Variants in RAPSN observed in about 807,000 individuals in gnomAD.
RAPSN encodes receptor associated protein of the synapse, also known as 43 kDa receptor-associated protein of the synapse.
Under a neutral mutation model 45.7 loss-of-function variants are expected in RAPSN, and 33 were observed. The observed-to-expected ratio is 0.72, with a 90% CI of 0.55 to 0.97. RAPSN has a LOEUF of 0.97. Ranked by LOEUF, RAPSN falls within the 50% of genes least tolerant of loss-of-function variation. The pLI is 0.00. For missense variants in RAPSN, 519 were observed against 559.4 expected (o/e 0.93, Z 0.73); for synonymous variants, 244 against 233.6 (o/e 1.04, Z -0.40).
chr11:47,441,190 G>A lies in RAPSN; in HGVS notation c.935C>T (p.Ala312Val), dbSNP rs369486243. 6.2e-7 allele frequency: 1 copy of A among 1,614,034 alleles called. No individual in the cohort carries two copies. Among genetic ancestry groups the A allele is most frequent in the African/African-American group, 1.3e-5 (1 of 75,038 alleles). ...CCCCACCTCCTCGGCCAGATCCTGG[G>A]CTCTCTCGATGGCATCCAGAGCCTG... is the stretch of plus-strand genomic sequence containing the variant. ...LDKALDAIER[A>V]QDLAEEVGNK... The change falls in exon 6 of 8, where the codon GCC becomes GTC. Residue 312 changes from alanine to valine, a missense_variant. Physicochemically the swap from Ala to Val is moderately conservative, Grantham distance 64. Transcript: ENST00000298854.
At chr11:47,441,065 A>G in intron 6 of RAPSN, 94 bp downstream of exon 6, 3 of 1,505,914 alleles carry the variant, frequency 2.0e-6, no homozygotes, top group African/African-American at 1.4e-5. Context: ...GGAAGGGCTC[A>G]TGACGTGAGT....
rs1410087045 is a variant in RAPSN, at chr11:47,437,790, T to C, written c.*185A>G. 3 of 743,922 alleles carry C rather than the reference T, an allele frequency of 4.0e-6. No homozygotes were observed. The highest frequency in any genetic ancestry group is 3.0e-5 in the South Asian group (2 of 65,860). 46.1% of individuals were successfully genotyped at this position (743,922 alleles called of 1,614,324 possible). ...CAGGTACAAACAGTTTATTTTTCTATAAAGAGCAAAGTACAAAGAGGCAGG... is the reference window on the plus strand; with the variant it reads ...CAGGTACAAACAGTTTATTTTTCTACAAAGAGCAAAGTACAAAGAGGCAGG... On this transcript the variant is annotated 3_prime_UTR_variant, in exon 8 of 8. Transcript: ENST00000298854.
chr11:47,448,642 A>T, intron 1 of RAPSN, 131 bp downstream of exon 1: 1 of 1,175,732 alleles, frequency 8.5e-7, no homozygotes, highest in Non-Finnish European at 1.2e-6. Context: ...ATATAAATTC[A>T]GAGCCTCGGG....
At position 47,448,162 on chromosome 11, in the gene RAPSN, G is replaced by A. The variant is rs1377428703; in HGVS notation, c.193-12C>T. The A allele has an allele frequency of 2.5e-6, 4 of 1,607,346 alleles. No individual in the cohort carries two copies. Among genetic ancestry groups the A allele is most frequent in the Non-Finnish European group, 2.5e-6 (3 of 1,179,672 alleles). On this transcript the variant is annotated splice_polypyrimidine_tract_variant and intron_variant, in intron 1 of 7. Coordinates refer to ENST00000298854, the MANE Select transcript of RAPSN (RefSeq NM_005055.5). ...TGGACCACAGCGAACTGCACACAGC[G>A]ACGGTGGGCAGGTGGTGCTCAGCCT...
chr11:47,447,951 T>C lies in RAPSN; in HGVS notation c.392A>G (p.Asn131Ser), dbSNP rs752581870. The change falls in exon 2 of 8, where the codon AAT becomes AGT. Residue 131 changes from asparagine to serine, a missense_variant. Physicochemically the swap from Asn to Ser is conservative, Grantham distance 46. Transcript: ENST00000298854. ...GAAGACGCTGAGGCCCAGGAAGGCA[T>C]TGCCCATGCTCAGGCTGACCTGGCC... ...LGGQVSLSMG[N>S]AFLGLSVFQK... is the part of the protein sequence containing the mutation. 1.9e-6 allele frequency: 3 copies of C among 1,613,766 alleles called. No homozygotes were observed. Among genetic ancestry groups the C allele is most frequent in the African/African-American group, 1.3e-5 (1 of 75,036 alleles).
intron 2 of RAPSN, 136 bp downstream of exon 2, chr11:47,447,676 T>A (rs2153311071): frequency 9.2e-7 from 1 of 1,082,532 alleles, no homozygotes; most frequent in African/African-American, 1.6e-5. Flanking sequence ...TGGATAAGCC[T>A]TTTTGCTCTC....
intron 2 of RAPSN, among the ~76,000 whole-genome samples, chr11:47,445,147 C>T (rs1046036104): frequency 3.3e-5 from 5 of 151,416 alleles, no homozygotes; most frequent in African/African-American, 1.2e-4. Context: ...AGGAGAATGG[C>T]GTGAACCCGG....
intron 2 of RAPSN, among the ~76,000 whole-genome samples, chr11:47,445,831 G>A (rs71475914): frequency 1.3e-5 from 2 of 151,962 alleles, no homozygotes; most frequent in Non-Finnish European, 2.9e-5. Context: ...ATTTGAATTG[G>A]AAATGTCAGT....
At chr11:47,442,954 C>A in intron 2 of RAPSN, 140 bp from the exon 3 acceptor site, 1 of 1,408,614 alleles carries the variant, frequency 7.1e-7, no homozygotes, top group Non-Finnish European at 9.7e-7. Flanking sequence ...ACATCCAGGA[C>A]AAGAGTGGCC....
At chr11:47,443,386 C>T (rs1333959990) in intron 2 of RAPSN, among the ~76,000 whole-genome samples, 4 of 152,148 alleles carry the variant, frequency 2.6e-5, no homozygotes, top group Non-Finnish European at 4.4e-5. Context: ...CTGATGACCT[C>T]GCCTCAACTC....
At chr11:47,446,983 C>T (rs1006448536) in intron 2 of RAPSN, among the ~76,000 whole-genome samples, 1 of 152,144 alleles carries the variant, frequency 6.6e-6, no homozygotes, top group Non-Finnish European at 1.5e-5. Context: ...GGCCCTCCTC[C>T]TCTCACCTCC....
chr11:47,444,857 CAA>C (rs10611957), intron 2 of RAPSN, among the ~76,000 whole-genome samples: 25,446 of 80,930 alleles, frequency 0.31, 2,692 homozygotes, highest in Middle Eastern at 0.44. Context: ...GACACTGTCT[CAA>C]AAAAAAAAAA....
chr11:47,441,792 GC>G, intron 4 of RAPSN, 30 bp downstream of exon 4: 1 of 1,285,988 alleles, frequency 7.8e-7, no homozygotes, highest in Non-Finnish European at 1.0e-6. Flanking sequence ...CCTGCCCCCT[GC>G]CCCCAGCCCC....
chr11:47,449,026 C>T lies in RAPSN; in HGVS notation c.-62G>A. Reference sequence around the variant, plus strand: ...TGGTGGCTCCGTGCCTCTAGGCACTCATGGGGCAGGAATCACAGTGCCAGC... The same window carrying T: ...TGGTGGCTCCGTGCCTCTAGGCACTTATGGGGCAGGAATCACAGTGCCAGC... On this transcript the variant is annotated 5_prime_UTR_variant, in exon 1 of 8. It removes an upstream start codon present in the reference 5' UTR. Coordinates refer to ENST00000298854, the MANE Select transcript of RAPSN (RefSeq NM_005055.5). 2 of 1,594,592 alleles carry T rather than the reference C, an allele frequency of 1.3e-6. No homozygotes were observed. The highest frequency in any genetic ancestry group is 2.7e-5 in the African/African-American group (2 of 74,668).
In RAPSN at chr11:47,447,870, T is replaced by C. The variant is rs778976189; in HGVS notation, c.473A>G (p.Asp158Gly). The C allele has an allele frequency of 9.3e-6, 15 of 1,613,388 alleles. No individual in the cohort carries two copies. Among genetic ancestry groups the C allele is most frequent in the Non-Finnish European group, 1.3e-5 (15 of 1,179,896 alleles). ...KALRYAHNND[D>G]AMLECRVCCS... ...GCACACGCGGCACTCGAGCATGGCG[T>C]CATCATTGTTGTGGGCATAGCGCAG... The change falls in exon 2 of 8, where the codon GAC (aspartate) becomes GGC (glycine). Residue 158 changes from aspartate (D) to glycine (G), a missense_variant. Transcript: ENST00000298854.
chr11:47,445,888 C>T (rs781132905), intron 2 of RAPSN, among the ~76,000 whole-genome samples: 1 of 151,616 alleles, frequency 6.6e-6, no homozygotes, highest in Non-Finnish European at 1.5e-5. Context: ...GAAGCACGGA[C>T]ATCCCACTAG....
At chr11:47,442,854 C>G in intron 2 of RAPSN, 40 bp from the exon 3 acceptor site, 1 of 1,610,462 alleles carries the variant, frequency 6.2e-7, no homozygotes, top group Non-Finnish European at 8.5e-7. Flanking sequence ...AACTGAGTGG[C>G]AGAGGCTGCC....
intron 7 of RAPSN, 140 bp downstream of exon 7, chr11:47,438,592 G>T (rs1027623570): frequency 2.5e-5 from 26 of 1,035,640 alleles, no homozygotes; most frequent in Middle Eastern, 4.3e-4. Context: ...CAAAGTGCTT[G>T]CGAGACAGAC....
At chr11:47,439,633 G>A (rs186642601) in intron 6 of RAPSN, among the ~76,000 whole-genome samples, 53 of 151,498 alleles carry the variant, frequency 3.5e-4, no homozygotes, top group African/African-American at 1.3e-3. Context: ...ACAGGATCTC[G>A]TAGAAATGCA....
Sources: gnomAD v4.1 joint callset for allele counts (sites outside exome capture counted in the v4.1 genomes callset) on GRCh38, gnomAD v4.1.1 for gene constraint, MANE v1.5 for transcripts, NCBI Gene and HGNC (gene_info 2026-07-23, HGNC 2026-07-21) for gene names.